Variants in CRB1 observed in about 807,000 individuals in gnomAD.
The protein encoded by CRB1 is protein crumbs homolog 1.
In CRB1, 83 loss-of-function variants were observed where a neutral mutation model predicts 120.0. The observed-to-expected ratio is 0.69, with a 90% CI of 0.58 to 0.83. The LOEUF is 0.83. CRB1 is among the 40% of genes least tolerant of loss of function. The pLI, the probability that CRB1 is intolerant of heterozygous loss-of-function variation, is 0.00. For synonymous variants in CRB1, 625 were observed against 612.5 expected, an observed-to-expected ratio of 1.02 and a Z score of -0.30; for missense variants, 1,699 against 1,687.6, an observed-to-expected ratio of 1.01 and a Z score of -0.12.
At chr1:197,396,156 G>A (rs952955125) in intron 5 of CRB1, among the ~76,000 whole-genome samples, 3 of 152,098 alleles carry the variant, frequency 2.0e-5, no homozygotes, top group African/African-American at 7.2e-5. Flanking sequence ...AGGATACAAA[G>A]TAAATATAAA....
intron 1 of CRB1, among the ~76,000 whole-genome samples, chr1:197,283,036 T>G (rs1655616038): frequency 6.6e-6 from 1 of 151,686 alleles, no homozygotes; most frequent in Non-Finnish European, 1.5e-5. Flanking sequence ...GGTACACCAG[T>G]GGGCAAGGAA....
intron 1 of CRB1, among the ~76,000 whole-genome samples, chr1:197,293,491 G>A (rs1053257257): frequency 6.6e-6 from 1 of 152,010 alleles, no homozygotes; most frequent in Non-Finnish European, 1.5e-5. Context: ...TACTGCCTAA[G>A]GTAATTTATA....
intron 2 of CRB1, among the ~76,000 whole-genome samples, chr1:197,336,502 G>A (rs1413926243): frequency 2.0e-5 from 3 of 152,130 alleles, no homozygotes; most frequent in Non-Finnish European, 2.9e-5. Flanking sequence ...AATTGATAAT[G>A]TTTTATGGTG....
chr1:197,433,141 C>T (rs576992932), intron 8 of CRB1, among the ~76,000 whole-genome samples: 1 of 151,914 alleles, frequency 6.6e-6, no homozygotes, highest in East Asian at 1.9e-4. Flanking sequence ...AGCTATCCAC[C>T]CTCCTCAGCC....
At chr1:197,418,085 T>C (rs1664100234) in intron 5 of CRB1, among the ~76,000 whole-genome samples, 1 of 152,122 alleles carries the variant, frequency 6.6e-6, no homozygotes, top group African/African-American at 2.4e-5. Flanking sequence ...CAGTTAAATA[T>C]GTTTCAAGAT....
chr1:197,288,172 G>A (rs1655944766), intron 1 of CRB1, among the ~76,000 whole-genome samples: 1 of 151,786 alleles, frequency 6.6e-6, no homozygotes, highest in South Asian at 2.1e-4. Flanking sequence ...ATTCAGCTGA[G>A]TTTATATCAG....
intron 5 of CRB1, among the ~76,000 whole-genome samples, chr1:197,415,608 TTTTC>T (rs1348743776): frequency 2.7e-5 from 4 of 146,186 alleles, no homozygotes; most frequent in Middle Eastern, 3.4e-3. Flanking sequence ...TCTTTTTCTT[TTTTC>T]TTTTTTTTTT....
intron 5 of CRB1, among the ~76,000 whole-genome samples, chr1:197,372,925 A>G (rs978261965): frequency 1.1e-4 from 17 of 152,204 alleles, no homozygotes; most frequent in Middle Eastern, 3.4e-3. Context: ...TAGATTGTCA[A>G]CTGCAGCTGC....
In CRB1 at chr1:197,421,417, A is replaced by G; in HGVS notation, c.1589A>G (p.Asp530Gly). The stretch of plus-strand genomic sequence containing the variant: ...CTTCTACTTTTCCGAAGCAACAGGG[A>G]TGTGTTTGTGAAGCTGGAGCTGCTA... ...MALLLFRSNR[D>G]VFVKLELLSG... Residue 530 changes from aspartate to glycine, a missense_variant, in exon 6 of 12, where the codon GAT becomes GGT. Physicochemically the swap from Asp to Gly is moderately conservative, Grantham distance 94. Transcript: ENST00000367400. The G allele has an allele frequency of 6.2e-7, 1 of 1,614,170 alleles. No individual in the cohort carries two copies. The highest frequency in any genetic ancestry group is 8.5e-7 in the Non-Finnish European group (1 of 1,180,032).
intron 2 of CRB1, among the ~76,000 whole-genome samples, chr1:197,334,925 T>G (rs1659064754): frequency 6.6e-6 from 1 of 152,106 alleles, no homozygotes; most frequent in Admixed American, 6.5e-5. Context: ...AGATATACTG[T>G]ATATAGTAGG....
At chr1:197,415,800 A>G (rs1663968259) in intron 5 of CRB1, among the ~76,000 whole-genome samples, 1 of 149,416 alleles carries the variant, frequency 6.7e-6, no homozygotes, top group African/African-American at 2.5e-5. Flanking sequence ...CCACCACCAC[A>G]CCTGGCTAAT....
the CRB1 span, among the ~76,000 whole-genome samples, chr1:197,247,786 G>A: frequency 5.3e-4 from 81 of 152,112 alleles, no homozygotes; most frequent in Non-Finnish European, 1.0e-3. Context: ...AGTTTGTTTA[G>A]TCTGTAAAAT....
At chr1:197,457,031 T>A (rs1474450473) in intron 11 of CRB1, among the ~76,000 whole-genome samples, 1 of 152,144 alleles carries the variant, frequency 6.6e-6, no homozygotes, top group African/African-American at 2.4e-5. Context: ...GAAAAGACAT[T>A]TTAAAGAATA....
chr1:197,207,608 T>TA, the CRB1 span, among the ~76,000 whole-genome samples: 1 of 152,202 alleles, frequency 6.6e-6, no homozygotes, highest in African/African-American at 2.4e-5. Flanking sequence ...TAGGTTTTCC[T>TA]TCATGGGTTA....
chr1:197,288,206 C>A (rs1007660621), intron 1 of CRB1, among the ~76,000 whole-genome samples: 1 of 151,740 alleles, frequency 6.6e-6, no homozygotes, highest in Admixed American at 6.6e-5. Flanking sequence ...GGAAAGTTCC[C>A]AAGACCTGGG....
intron 7 of CRB1, chr1:197,429,160 T>C (rs1664748667): frequency 6.5e-7 from 1 of 1,530,908 alleles, no homozygotes; most frequent in African/African-American, 1.4e-5. Flanking sequence ...AAGTGCCTGG[T>C]AATTTGTAAA....
At chr1:197,317,939 ATT>A (rs756212378) in intron 1 of CRB1, among the ~76,000 whole-genome samples, 3 of 146,978 alleles carry the variant, frequency 2.0e-5, no homozygotes, top group South Asian at 2.1e-4. Flanking sequence ...CTAGGTAAGG[ATT>A]TTTTTTTTTT....
intron 11 of CRB1, among the ~76,000 whole-genome samples, chr1:197,454,921 C>G (rs947817088): frequency 1.3e-5 from 2 of 152,136 alleles, no homozygotes; most frequent in African/African-American, 4.8e-5. Context: ...TGTGTTTGTG[C>G]TTTCAAAGAA....
chr1:197,378,496 G>A (rs2125395563), intron 5 of CRB1, among the ~76,000 whole-genome samples: 1 of 152,046 alleles, frequency 6.6e-6, no homozygotes, highest in Non-Finnish European at 1.5e-5. Flanking sequence ...ATTATGTAAA[G>A]GATTCTCATA....
Sources: allele counts gnomAD v4.1 joint callset (sites outside exome capture counted in the v4.1 genomes callset), GRCh38; gene constraint gnomAD v4.1.1; transcripts MANE v1.5; gene names NCBI Gene and HGNC (gene_info 2026-07-23, HGNC 2026-07-21).